Variants in CTDP1 observed in about 807,000 individuals in gnomAD.
CTDP1 encodes the protein CTD phosphatase 1, also known as RNA polymerase II subunit A C-terminal domain phosphatase.
In CTDP1, 47 loss-of-function variants were observed where a neutral mutation model predicts 91.8. The observed-to-expected ratio is 0.51, with a 90% CI of 0.41 to 0.65. CTDP1 has a LOEUF of 0.65. CTDP1 is among the 30% of genes least tolerant of loss of function. The pLI is 0.00. For missense variants in CTDP1, 1,272 were observed against 1,373.7 expected (o/e 0.93, Z 1.17); for synonymous variants, 656 against 598.5 (o/e 1.10, Z -1.40).
chr18:79,729,927 C>G (rs115311666), intron 11 of CTDP1, among the ~76,000 whole-genome samples: 2 of 152,330 alleles, frequency 1.3e-5, no homozygotes, highest in East Asian at 3.9e-4. Context: ...CCTCCCTGCC[C>G]GCCTGGCACC....
At position 79,701,565 on chromosome 18, in the gene CTDP1, AT is replaced by A. The variant is rs1568183996; in HGVS notation, c.622-3201del. On this transcript the variant is annotated intron_variant, in intron 4 of 12. Coordinates refer to ENST00000613122, the MANE Select transcript of CTDP1 (RefSeq NM_004715.5). ...AATAAATAAATAAATAAATAAATAA[AT>A]AAATAAAAGAGCTACATCTCCTAAG... Among the ~76,000 whole-genome samples the A allele has an allele frequency of 7.0e-5, 10 of 143,726 alleles. No individual in the cohort carries two copies. In the East Asian group the frequency reaches 7.8e-4, roughly 11 times the overall value. The allele number at this position is 143,726 out of a possible 152,430, so 94.3% of individuals were successfully genotyped here.
intron 10 of CTDP1, among the ~76,000 whole-genome samples, chr18:79,719,678 G>T (rs1221985629): frequency 1.4e-5 from 2 of 144,414 alleles, no homozygotes; most frequent in Non-Finnish European, 3.0e-5. Context: ...CATTAGGAAA[G>T]CGTCCTGGTG....
chr18:79,722,094 T>C (rs565792237), intron 10 of CTDP1, among the ~76,000 whole-genome samples: 3 of 152,362 alleles, frequency 2.0e-5, no homozygotes, highest in African/African-American at 7.2e-5. Flanking sequence ...AAAGATTAGA[T>C]ACAAAACTGG....
chr18:79,685,429 GAACT>G (rs1187399700), intron 1 of CTDP1: 1 of 152,180 alleles, frequency 6.6e-6, no homozygotes, highest in African/African-American at 2.4e-5. Context: ...TGACTGGTGA[GAACT>G]AACAGGCGGA....
At chr18:79,712,361 A>G (rs1270505219) in intron 6 of CTDP1, among the ~76,000 whole-genome samples, 2 of 152,184 alleles carry the variant, frequency 1.3e-5, no homozygotes, top group Non-Finnish European at 2.9e-5. Context: ...AGCTCACCAC[A>G]GTCTTGACTT....
rs115413514 is a variant in CTDP1, at chr18:79,707,112, G to A, written c.772+2195G>A. 3.7e-3 allele frequency among the ~76,000 whole-genome samples: 569 copies of A among 152,372 alleles called. 4 individuals are homozygous for A. The highest frequency in any genetic ancestry group is 0.013 in the African/African-American group (531 of 41,584). On this transcript the variant is annotated intron_variant, in intron 5 of 12. Coordinates refer to ENST00000613122, the MANE Select transcript of CTDP1 (RefSeq NM_004715.5). ...AGCACACAAGCCCCAGTGAGGAGGAGCATGTGGAAGGCTCGGATCTGTTTA... is the reference window on the plus strand; with the variant it reads ...AGCACACAAGCCCCAGTGAGGAGGAACATGTGGAAGGCTCGGATCTGTTTA...
chr18:79,709,815 G>A (rs1326591340), intron 5 of CTDP1, among the ~76,000 whole-genome samples: 1 of 152,222 alleles, frequency 6.6e-6, no homozygotes, highest in African/African-American at 2.4e-5. Context: ...GTGTGAGTTT[G>A]TATAATTCTA....
At chr18:79,710,282 C>CA in intron 5 of CTDP1, 64 bp from the exon 6 acceptor site, 1 of 1,262,626 alleles carries the variant, frequency 7.9e-7, no homozygotes, top group South Asian at 1.2e-5. Flanking sequence ...CAAGGCTTCA[C>CA]CATGTGCCGT....
At chr18:79,704,030 C>T (rs1263359481) in intron 4 of CTDP1, among the ~76,000 whole-genome samples, 4 of 152,078 alleles carry the variant, frequency 2.6e-5, no homozygotes, top group Admixed American at 1.3e-4. Flanking sequence ...TTACTGTTAA[C>T]GTGGTACCCA....
intron 12 of CTDP1, among the ~76,000 whole-genome samples, chr18:79,748,080 CTA>C (rs1037809400): frequency 6.6e-6 from 1 of 152,180 alleles, no homozygotes; most frequent in African/African-American, 2.4e-5. Context: ...TAACATTTCT[CTA>C]TGGAGCTGTG....
At chr18:79,710,578 T>A in intron 6 of CTDP1, 142 bp downstream of exon 6, 1 of 659,232 alleles carries the variant, frequency 1.5e-6, no homozygotes. Flanking sequence ...TAGAGTGCAG[T>A]GGCGCGATCT....
At chr18:79,717,471 C>T (rs576619190) in intron 8 of CTDP1, 64 bp from the exon 9 acceptor site, 23 of 1,603,958 alleles carry the variant, frequency 1.4e-5, no homozygotes, top group African/African-American at 1.3e-4. Context: ...TGGGTGCAGC[C>T]GGATGTGGGC....
At chr18:79,687,747 C>T (rs1052298110) in intron 1 of CTDP1, among the ~76,000 whole-genome samples, 1 of 152,268 alleles carries the variant, frequency 6.6e-6, no homozygotes, top group Non-Finnish European at 1.5e-5. Context: ...CTGAGCATAC[C>T]ACCAGGGGGT....
At chr18:79,688,485 G>A (rs1310059991) in intron 1 of CTDP1, among the ~76,000 whole-genome samples, 2 of 152,164 alleles carry the variant, frequency 1.3e-5, no homozygotes, top group Non-Finnish European at 1.5e-5. Context: ...GGCTGGTCTC[G>A]AACTCCTGAC....
rs1188480859 is a variant in CTDP1 at position 79,753,838 on chromosome 18, C to T, written c.*48C>T. The T allele has an allele frequency of 1.3e-5, 20 of 1,596,702 alleles. No homozygotes were observed. The East Asian group carries it at 2.0e-4, about 16-fold the overall frequency. ...GAAGCCTGACCGACCTCCAGCAGCACTCGGACGTCCCCGGACCAGCCCTCA... is the reference window on the plus strand; with the variant it reads ...GAAGCCTGACCGACCTCCAGCAGCATTCGGACGTCCCCGGACCAGCCCTCA... On this transcript the variant is annotated 3_prime_UTR_variant, in exon 13 of 13. Transcript: ENST00000613122.
At chr18:79,706,245 A>G (rs1477904414) in intron 5 of CTDP1, among the ~76,000 whole-genome samples, 1 of 152,198 alleles carries the variant, frequency 6.6e-6, no homozygotes, top group Non-Finnish European at 1.5e-5. Context: ...TGAGGAAGGG[A>G]CGTGTGTTCC....
chr18:79,738,981 A>G (rs751481198), intron 12 of CTDP1, among the ~76,000 whole-genome samples: 5 of 152,200 alleles, frequency 3.3e-5, no homozygotes, highest in Non-Finnish European at 7.3e-5. Context: ...TTTTCGGTGT[A>G]GACCCATTGG....
rs750950807 is a variant in CTDP1, at chr18:79,717,792, G to A, written c.2211-18G>A. The A allele has an allele frequency of 8.1e-6, 13 of 1,613,622 alleles. No individual in the cohort carries two copies. The highest frequency in any genetic ancestry group is 2.7e-5 in the African/African-American group (2 of 74,918). On this transcript the variant is annotated intron_variant, in intron 9 of 12. Transcript: ENST00000613122. ...CCCGGACGCCCCGCTCATGGCCCTC[G>A]TTCTCTTCCTCCGACAGGGAGAACA...
In CTDP1 at chr18:79,714,991, C is replaced by G. The variant is rs779336734; in HGVS notation, c.1531C>G (p.Pro511Ala). ...CCTGGAGCCGGGGCGGCCTGCAGCA[C>G]CGAGTCTCCCCGGAGAGGCCGAGCC... ...SSLEPGRPAA[P>A]SLPGEAEPGA... Residue 511 changes from proline to alanine, a missense_variant, in exon 8 of 13, where the codon CCG becomes GCG. Around this residue, in one of 3 missense-constraint regions of CTDP1, gnomAD observed 881 missense variants for 911.6 expected, o/e 0.97. Coordinates refer to ENST00000613122, the MANE Select transcript of CTDP1 (RefSeq NM_004715.5). 6.3e-7 allele frequency: 1 copy of G among 1,579,814 alleles called. No individual in the cohort carries two copies. Among genetic ancestry groups the G allele is most frequent in the Middle Eastern group, 1.7e-4 (1 of 5,976 alleles).
Sources: gnomAD v4.1 joint callset for allele counts (sites outside exome capture counted in the v4.1 genomes callset) on GRCh38, gnomAD v4.1.1 for gene constraint, gnomAD v4.1.1 regional missense constraint, MANE v1.5 for transcripts, NCBI Gene and HGNC (gene_info 2026-07-23, HGNC 2026-07-21) for gene names.